RFX8: variants seen among roughly 807,000 people sequenced by gnomAD.
The protein encoded by RFX8 is regulatory factor X8.
In RFX8, 46 loss-of-function variants were observed where a neutral mutation model predicts 54.6. The observed-to-expected ratio is 0.84, with a 90% CI of 0.67 to 1.08. The LOEUF is 1.08. RFX8 is among the 50% of genes least tolerant of loss of function. The pLI, the probability that RFX8 is intolerant of heterozygous loss-of-function variation, is 0.00. For missense variants in RFX8, 536 were observed against 562.3 expected (o/e 0.95, Z 0.47); for synonymous variants, 192 against 209.5 (o/e 0.92, Z 0.72).
intron 1 of RFX8, among the ~76,000 whole-genome samples, chr2:101,469,700 T>C (rs1238983896): frequency 6.6e-6 from 1 of 152,188 alleles, no homozygotes; most frequent in East Asian, 1.9e-4. Flanking sequence ...TGATTGTTCT[T>C]TCCTGTGACA....
intron 1 of RFX8, among the ~76,000 whole-genome samples, chr2:101,469,006 ATATATATATAGG>A (rs1558896114): frequency 2.0e-4 from 6 of 30,336 alleles, no homozygotes; most frequent in Non-Finnish European, 3.9e-4. Context: ...ATATATACGT[ATATATATATAGG>A]TATATATATA....
intron 2 of RFX8, among the ~76,000 whole-genome samples, chr2:101,426,488 C>T (rs1687176215): frequency 6.6e-6 from 1 of 152,152 alleles, no homozygotes. Flanking sequence ...CACTGCTCTC[C>T]AGCCTGGGCA....
intron 1 of RFX8, among the ~76,000 whole-genome samples, chr2:101,471,478 CAG>C (rs1387297610): frequency 1.3e-5 from 2 of 152,182 alleles, no homozygotes; most frequent in Non-Finnish European, 2.9e-5. Context: ...AAAATTTCAA[CAG>C]AGTCTGCAGA....
At position 101,417,576 on chromosome 2, in the gene RFX8, A is replaced by G. The variant is rs1376398337; in HGVS notation, c.460T>C (p.Leu154=). 1 of 1,551,698 alleles carries G rather than the reference A, an allele frequency of 6.4e-7. No individual in the cohort carries two copies. Among genetic ancestry groups the G allele is most frequent in the South Asian group, 1.2e-5 (1 of 83,864 alleles). ...TGCAAGAGGGCTGGAACACCTTCCA[A>G]AGCATTAAGGAGCCACAGCTTAAAT... is the stretch of plus-strand genomic sequence containing the variant. The part of the protein sequence containing the change: ...KKFKLWLLNA[L]EGVPALLQIS... The change falls in exon 6 of 12, where the codon TTG becomes CTG. Residue 154 remains leucine (L), a synonymous_variant. Coordinates refer to ENST00000428343, the MANE Select transcript of RFX8 (RefSeq NM_001145664.2).
At chr2:101,469,041 T>G (rs11675370) in intron 1 of RFX8, among the ~76,000 whole-genome samples, 6 of 20,904 alleles carry the variant, frequency 2.9e-4, no homozygotes, top group East Asian at 1.2e-3. Flanking sequence ...CGTATATATA[T>G]GTATATATAT....
intron 9 of RFX8, among the ~76,000 whole-genome samples, chr2:101,409,408 A>G (rs1432443956): frequency 6.6e-6 from 1 of 151,562 alleles, no homozygotes; most frequent in Non-Finnish European, 1.5e-5. Context: ...TATTTTTTTT[A>G]GTAGAGACGG....
At chr2:101,457,208 C>T (rs2148981637) in intron 2 of RFX8, among the ~76,000 whole-genome samples, 1 of 152,254 alleles carries the variant, frequency 6.6e-6, no homozygotes, top group East Asian at 1.9e-4. Context: ...CTATCTCCTT[C>T]AGTTCTGCTC....
At chr2:101,450,565 A>C in intron 2 of RFX8, 1 of 1,166,540 alleles carries the variant, frequency 8.6e-7, no homozygotes, top group Non-Finnish European at 1.2e-6. Flanking sequence ...GTGACCCAAG[A>C]CCAAAGTGCC....
chr2:101,436,390 T>C (rs1312992042), intron 2 of RFX8, among the ~76,000 whole-genome samples: 1 of 152,082 alleles, frequency 6.6e-6, no homozygotes, highest in African/African-American at 2.4e-5. Flanking sequence ...TAAAGACAAT[T>C]GAGATGCCCT....
Position 101,418,983 on chromosome 2 carries a change from C to A in RFX8, c.238-19G>T, listed in dbSNP as rs1382510576. On this transcript the variant is annotated intron_variant, in intron 4 of 11. Coordinates refer to ENST00000428343, the MANE Select transcript of RFX8 (RefSeq NM_001145664.2). The stretch of plus-strand genomic sequence containing the variant: ...CCTCCACCTGGGGTAAGTAACAGAG[C>A]ATATCGCCAAAACTCGTTTTCCACC... The A allele has an allele frequency of 5.0e-6, 7 of 1,405,858 alleles. No individual in the cohort carries two copies. The highest frequency in any genetic ancestry group is 6.9e-6 in the Non-Finnish European group (7 of 1,018,142). The allele number at this position is 1,405,858 out of a possible 1,614,324, so 87.1% of individuals were successfully genotyped here. A position where few individuals can be genotyped will look rare whatever the true frequency, so the allele number is the denominator to read the frequency against.
At position 101,410,722 on chromosome 2, in the gene RFX8, A is replaced by G. The variant is rs1310204800; in HGVS notation, c.719-9T>C. 1 of 1,412,338 alleles carries G rather than the reference A, an allele frequency of 7.1e-7. No individual in the cohort carries two copies. The highest frequency in any genetic ancestry group is 9.8e-7 in the Non-Finnish European group (1 of 1,023,398). 87.5% of individuals were successfully genotyped at this position (1,412,338 alleles called of 1,614,324 possible). ...AATTAAGTTTCTTAAACCTACAAAG[A>G]CACAAAATAAACAAACAAAAGATTG... is the stretch of plus-strand genomic sequence containing the variant. On this transcript the variant is annotated splice_polypyrimidine_tract_variant and intron_variant, in intron 8 of 11. Coordinates refer to ENST00000428343, the MANE Select transcript of RFX8 (RefSeq NM_001145664.2).
chr2:101,418,813 G>A, intron 5 of RFX8, 38 bp downstream of exon 5: 2 of 1,330,678 alleles, frequency 1.5e-6, no homozygotes, highest in Non-Finnish European at 2.1e-6. Context: ...GCCAATTTCT[G>A]CAAAGGATAT....
intron 1 of RFX8, chr2:101,474,060 G>C (rs1476621768): frequency 2.1e-6 from 1 of 473,482 alleles, no homozygotes; most frequent in Non-Finnish European, 3.7e-6. Flanking sequence ...CGGCGGGCGA[G>C]CATCAGAAAG....
intron 11 of RFX8, among the ~76,000 whole-genome samples, chr2:101,401,335 C>T (rs1685432396): frequency 6.6e-6 from 1 of 152,066 alleles, no homozygotes. Flanking sequence ...AACAGGTGTG[C>T]AGGATCTCTG....
At chr2:101,417,826 C>T (rs988103879) in intron 5 of RFX8, 142 bp from the exon 6 acceptor site, 5 of 530,376 alleles carry the variant, frequency 9.4e-6, no homozygotes, top group East Asian at 3.3e-5. Flanking sequence ...CACCATGCAA[C>T]GTGGCCACTG....
intron 2 of RFX8, among the ~76,000 whole-genome samples, chr2:101,449,345 G>A (rs1688555951): frequency 6.6e-6 from 1 of 152,188 alleles, no homozygotes; most frequent in African/African-American, 2.4e-5. Context: ...GCTGTGTTTA[G>A]AGCAGGGAGA....
chr2:101,446,760 G>T (rs1243064160), intron 2 of RFX8, among the ~76,000 whole-genome samples: 1 of 147,520 alleles, frequency 6.8e-6, no homozygotes. Flanking sequence ...GAGCATGCAG[G>T]GCTCTCCAAA....
At chr2:101,404,230 C>G (rs116325086) in intron 10 of RFX8, among the ~76,000 whole-genome samples, 5 of 152,198 alleles carry the variant, frequency 3.3e-5, no homozygotes, top group Non-Finnish European at 1.5e-5. Flanking sequence ...TATTCCTCCA[C>G]GGATCTGGGT....
At chr2:101,447,470 AG>A (rs1688453232) in intron 2 of RFX8, among the ~76,000 whole-genome samples, 1 of 152,150 alleles carries the variant, frequency 6.6e-6, no homozygotes. Flanking sequence ...GTCTGGTAAA[AG>A]TTTGCTCTTT....
Sources: allele counts gnomAD v4.1 joint callset (sites outside exome capture counted in the v4.1 genomes callset), GRCh38; gene constraint gnomAD v4.1.1; transcripts MANE v1.5; gene names NCBI Gene and HGNC (gene_info 2026-07-23, HGNC 2026-07-21).